SYT14: variants seen among roughly 807,000 people sequenced by gnomAD.
SYT14 encodes the protein synaptotagmin-14.
SYT14 carries 32 observed loss-of-function variants against 74.2 expected under a neutral mutation model. The ratio of observed to expected loss-of-function variants is 0.43; its 90% CI spans 0.33 to 0.58. The LOEUF (loss-of-function observed/expected upper bound fraction) is 0.58. Ranked by LOEUF, SYT14 falls within the 20% of genes least tolerant of loss-of-function variation. The probability of loss-of-function intolerance (pLI) is 0.05; values close to 1 mark genes in which losing one functional copy is unlikely to be tolerated. For missense variants in SYT14, 791 were observed against 981.8 expected (o/e 0.81, Z 2.60); for synonymous variants, 298 against 337.7 (o/e 0.88, Z 1.29).
At chr1:210,166,822 A>C (rs1458343803) in exon 10 of SYT14, 1 of 152,148 alleles carries the variant, frequency 6.6e-6, no homozygotes, top group Non-Finnish European at 1.5e-5. Context: ...GTATTCATGA[A>C]ATGTTTCAGT....
chr1:209,992,489 A>G (rs2079708994), intron 2 of SYT14, among the ~76,000 whole-genome samples: 1 of 152,194 alleles, frequency 6.6e-6, no homozygotes, highest in African/African-American at 2.4e-5. Flanking sequence ...ATGTGTACAC[A>G]TGGACATAGA....
At chr1:209,965,164 C>T (rs1161988247) in intron 2 of SYT14, among the ~76,000 whole-genome samples, 1 of 152,174 alleles carries the variant, frequency 6.6e-6, no homozygotes, top group Non-Finnish European at 1.5e-5. Context: ...GAAATCTGGG[C>T]TTCTGTTGGA....
intron 5 of SYT14, among the ~76,000 whole-genome samples, chr1:210,032,215 C>T (rs191815122): frequency 1.3e-4 from 20 of 151,936 alleles, no homozygotes; most frequent in African/African-American, 3.1e-4. Flanking sequence ...TGTATAGTAC[C>T]GACATAACAG....
chr1:210,152,750 C>A (rs1050911789), intron 7 of SYT14, among the ~76,000 whole-genome samples: 1 of 152,150 alleles, frequency 6.6e-6, no homozygotes, highest in African/African-American at 2.4e-5. Context: ...GAGTTAACTA[C>A]AATTTTTACT....
chr1:210,002,274 G>A (rs961834082), intron 2 of SYT14, among the ~76,000 whole-genome samples: 3 of 151,928 alleles, frequency 2.0e-5, no homozygotes, highest in African/African-American at 7.3e-5. Flanking sequence ...CTCTTCCTGA[G>A]TATTATCCCT....
At chr1:210,155,352 A>G (rs2083247036) in intron 7 of SYT14, among the ~76,000 whole-genome samples, 1 of 152,214 alleles carries the variant, frequency 6.6e-6, no homozygotes, top group South Asian at 2.1e-4. Context: ...CACAGTTAGG[A>G]CATTTGATGT....
At chr1:209,985,907 C>T (rs773703934) in intron 2 of SYT14, among the ~76,000 whole-genome samples, 67 of 152,094 alleles carry the variant, frequency 4.4e-4, no homozygotes, top group Non-Finnish European at 3.8e-4. Context: ...CCAGAGTGGC[C>T]GGGATACAGG....
At position 209,978,103 on chromosome 1, in the gene SYT14, C is replaced by T. The variant is rs114012483; in HGVS notation, c.-486+25347C>T. On this transcript the variant is annotated intron_variant, in intron 2 of 9. Transcript: ENST00000637265. ...GCATGGGTTATTCTAGTTCACCATT[C>T]GTATAATTTTTTTTCAAGGTTTTTA... Among the ~76,000 whole-genome samples, 941 of 152,114 alleles carry T rather than the reference C, an allele frequency of 6.2e-3. 6 individuals carry two copies. Among genetic ancestry groups the T allele is most frequent in the African/African-American group, 0.018 (759 of 41,492 alleles).
chr1:210,075,233 G>A (rs1376214442), intron 5 of SYT14, among the ~76,000 whole-genome samples: 1 of 152,068 alleles, frequency 6.6e-6, no homozygotes, highest in Non-Finnish European at 1.5e-5. Context: ...TTCCGCTGGC[G>A]TGCTCCCCTC....
At chr1:209,997,356 A>G (rs2079817015) in intron 2 of SYT14, among the ~76,000 whole-genome samples, 1 of 152,208 alleles carries the variant, frequency 6.6e-6, no homozygotes, top group South Asian at 2.1e-4. Flanking sequence ...AATGAAGAAC[A>G]CAATCTCATT....
chr1:210,142,390 G>GT lies in SYT14; in HGVS notation c.2035-13323dup, dbSNP rs1243302425. 5.3e-5 allele frequency among the ~76,000 whole-genome samples: 8 copies of GT among 152,122 alleles called. No individual in the cohort carries two copies. In the East Asian group the frequency reaches 7.7e-4, roughly 15 times the overall value. On this transcript the variant is annotated intron_variant, in intron 7 of 9. Coordinates refer to ENST00000637265, the Ensembl canonical transcript of SYT14. Reference sequence around the variant, plus strand: ...TTAGTTAGTTCAGAGTTCTGAAAAAGTTTTTTTTGACAATGTTTGCCAGTG... The same window carrying GT: ...TTAGTTAGTTCAGAGTTCTGAAAAAGTTTTTTTTTGACAATGTTTGCCAGTG...
intron 5 of SYT14, among the ~76,000 whole-genome samples, chr1:210,040,759 G>T (rs1407196886): frequency 6.6e-6 from 1 of 152,132 alleles, no homozygotes; most frequent in African/African-American, 2.4e-5. Context: ...TAGTCAAAAT[G>T]ATCTTTGAAA....
At chr1:210,015,862 T>C (rs1459094755) in exon 4 of SYT14, 2 of 1,221,536 alleles carry the variant, frequency 1.6e-6, no homozygotes, top group African/African-American at 3.1e-5. Flanking sequence ...ACAGAAAGAT[T>C]AAAAGCTACA....
intron 2 of SYT14, among the ~76,000 whole-genome samples, chr1:209,959,153 A>T (rs537069193): frequency 6.6e-6 from 1 of 151,880 alleles, no homozygotes; most frequent in Non-Finnish European, 1.5e-5. Context: ...TATTATTATT[A>T]TTTTTTTGAG....
chr1:210,059,522 A>G (rs1160019888), intron 5 of SYT14, among the ~76,000 whole-genome samples: 1 of 149,494 alleles, frequency 6.7e-6, no homozygotes, highest in African/African-American at 2.5e-5. Flanking sequence ...TATTTCCAAA[A>G]TAATGGCAAC....
chr1:210,055,206 T>A (rs1032401732), intron 5 of SYT14, among the ~76,000 whole-genome samples: 3 of 152,206 alleles, frequency 2.0e-5, no homozygotes, highest in African/African-American at 7.2e-5. Flanking sequence ...CTATGTGATA[T>A]AATAAACTTT....
chr1:210,022,520 G>A (rs1376705464), intron 5 of SYT14, among the ~76,000 whole-genome samples: 1 of 152,188 alleles, frequency 6.6e-6, no homozygotes, highest in Non-Finnish European at 1.5e-5. Flanking sequence ...AGTAGAGCAG[G>A]AAGAGAATGT....
intron 7 of SYT14, among the ~76,000 whole-genome samples, chr1:210,113,761 G>C (rs2082307669): frequency 6.6e-6 from 1 of 151,102 alleles, no homozygotes; most frequent in Non-Finnish European, 1.5e-5. Context: ...CAGGGAAGCA[G>C]ATAATTTAGT....
exon 10 of SYT14, chr1:210,162,839 T>C (rs1304325381): frequency 4.4e-6 from 2 of 453,090 alleles, no homozygotes; most frequent in African/African-American, 4.0e-5. Context: ...AAATGCTATA[T>C]TGGATGACAT....
Sources: allele counts gnomAD v4.1 joint callset (sites outside exome capture counted in the v4.1 genomes callset), GRCh38; gene constraint gnomAD v4.1.1; transcripts MANE v1.5; gene names NCBI Gene and HGNC (gene_info 2026-07-23, HGNC 2026-07-21).